The following XKR7 variants were observed in gnomAD, a reference collection of about 807,000 sequenced individuals.
XKR7 encodes XK related 7.
A neutral mutation model predicts 42.2 loss-of-function variants in XKR7; 11 were observed. The ratio of observed to expected loss-of-function variants is 0.26; its 90% CI spans 0.16 to 0.43. The LOEUF (loss-of-function observed/expected upper bound fraction) is 0.43. XKR7 is among the 20% of genes least tolerant of loss of function. The pLI is 1.00. For synonymous variants in XKR7, 346 were observed against 366.4 expected (o/e 0.94, Z 0.64); for missense variants, 710 against 802.2 (o/e 0.89, Z 1.39).
In XKR7 at chr20:31,998,380, G is replaced by A. The variant is rs2064607302; in HGVS notation, c.*923G>A. 6.6e-6 allele frequency: 1 copy of A among 152,202 alleles called. No homozygotes were observed. The highest frequency in any genetic ancestry group is 2.1e-4 in the South Asian group (1 of 4,832). 9.4% of individuals were successfully genotyped at this position (152,202 alleles called of 1,614,324 possible). ...AGGTGAGGTTTTAGCACAGTTATCAGAGGAACTGATCCAGAAGCAGGCTTA... is the reference window on the plus strand; with the variant it reads ...AGGTGAGGTTTTAGCACAGTTATCAAAGGAACTGATCCAGAAGCAGGCTTA... On this transcript the variant is annotated 3_prime_UTR_variant, in exon 3 of 3. Transcript: ENST00000562532.
At position 31,996,807 on chromosome 20, in the gene XKR7, G is replaced by T; in HGVS notation, c.1090G>T (p.Val364Leu). The T allele has an allele frequency of 6.2e-7, 1 of 1,613,904 alleles. No homozygotes were observed. The highest frequency in any genetic ancestry group is 8.5e-7 in the Non-Finnish European group (1 of 1,179,998). The change falls in exon 3 of 3, where the codon GTG becomes TTG. Residue 364 changes from valine (V) to leucine (L), a missense_variant. Coordinates refer to ENST00000562532, the MANE Select transcript of XKR7 (RefSeq NM_001011718.2). ...GGAGGAGATCATCTACAACATGGTC[G>T]TGGGCATCATCTACATCTTCTGCTG... is the stretch of plus-strand genomic sequence containing the variant. Reference protein sequence around the residue: ...KWEEIIYNMVVGIIYIFCWFN... With the variant: ...KWEEIIYNMVLGIIYIFCWFN...
In XKR7 at chr20:31,968,323, C is replaced by A; in HGVS notation, c.148C>A (p.Pro50Thr). ...GGTCGTCGGGGCGGGCGGCCCGGGG[C>A]CGCGCTACGAGCTGCGGGACTGCTG... ...PGVVGAGGPG[P>T]RYELRDCCWV... The change falls in exon 1 of 3, where the codon CCG becomes ACG. Residue 50 changes from proline to threonine, a missense_variant. This residue lies in a region of XKR7 where 708 missense variants were observed against 786.2 expected (regional missense o/e 0.90). Coordinates refer to ENST00000562532, the MANE Select transcript of XKR7 (RefSeq NM_001011718.2). The surrounding 1 kb of genome is among the most constrained non-coding windows in gnomAD (Gnocchi z 4.5). 2 of 1,478,320 alleles carry A rather than the reference C, an allele frequency of 1.4e-6. No homozygotes were observed. The highest frequency in any genetic ancestry group is 2.1e-5 in the Admixed American group (1 of 46,532). The allele number at this position is 1,478,320 out of a possible 1,614,324, so 91.6% of individuals were successfully genotyped here. A position where few individuals can be genotyped will look rare whatever the true frequency, so the allele number is the denominator to read the frequency against.
intron 1 of XKR7, among the ~76,000 whole-genome samples, chr20:31,977,645 C>T (rs1292298204): frequency 6.6e-6 from 1 of 152,138 alleles, no homozygotes; most frequent in Admixed American, 6.5e-5. Context: ...TGCTTAGTAA[C>T]AAGATGGGGT....
At chr20:31,969,450 T>A (rs559509765) in intron 1 of XKR7, among the ~76,000 whole-genome samples, 13 of 152,288 alleles carry the variant, frequency 8.5e-5, no homozygotes, top group African/African-American at 2.9e-4. Flanking sequence ...AATCCCGAAC[T>A]GGTAAGGCAA....
intron 1 of XKR7, among the ~76,000 whole-genome samples, chr20:31,983,544 A>G (rs2064523226): frequency 6.6e-6 from 1 of 152,184 alleles, no homozygotes; most frequent in South Asian, 2.1e-4. Flanking sequence ...GTGTTCAGGA[A>G]GCAGGAGCTG....
chr20:31,990,774 C>A (rs1245852145), intron 1 of XKR7, among the ~76,000 whole-genome samples: 1 of 144,772 alleles, frequency 6.9e-6, no homozygotes, highest in Admixed American at 6.8e-5. Flanking sequence ...TGTTTTGGAG[C>A]CAATTTTTTT....
chr20:31,990,970 C>T, intron 1 of XKR7, among the ~76,000 whole-genome samples: 1 of 152,152 alleles, frequency 6.6e-6, no homozygotes, highest in East Asian at 1.9e-4. Flanking sequence ...CCCCACTGAC[C>T]CCACATTCCT....
intron 1 of XKR7, among the ~76,000 whole-genome samples, chr20:31,983,517 G>A (rs1372960262): frequency 6.6e-6 from 1 of 152,180 alleles, no homozygotes; most frequent in East Asian, 1.9e-4. Context: ...AGGCCCTGGG[G>A]TTGGAGTGAG....
At chr20:31,974,233 G>C (rs950962667) in intron 1 of XKR7, among the ~76,000 whole-genome samples, 1 of 152,124 alleles carries the variant, frequency 6.6e-6, no homozygotes, top group Non-Finnish European at 1.5e-5. Flanking sequence ...AGACTGGAGG[G>C]AGGCAGAGTA....
Position 31,983,724 on chromosome 20 carries a change from ATCACCTGAGGTCAGGAG to A in XKR7, c.585-11342_585-11326del, listed in dbSNP as rs1568885015. ...CAGTTTGGGAGGCCGAGGCAGGCGG[ATCACCTGAGGTCAGGAG>A]TTCGAGACCATCCTGGCCAATAGGG... On this transcript the variant is annotated intron_variant, in intron 1 of 2. Transcript: ENST00000562532. Among the ~76,000 whole-genome samples, 22 of 152,276 alleles carry A rather than the reference ATCACCTGAGGTCAGGAG, an allele frequency of 1.4e-4. No individual in the cohort carries two copies. In the South Asian group the frequency reaches 4.6e-3, roughly 32 times the overall value.
rs2064482759 is a variant in XKR7, at chr20:31,975,948, A to T, written c.584+7189A>T. ...AGAGACTGCGAGGATGAAGAAGAGA[A>T]CTGTAGACCCAAAACCCTGGCTCTG... On this transcript the variant is annotated intron_variant, in intron 1 of 2. Transcript: ENST00000562532. Among the ~76,000 whole-genome samples the T allele has an allele frequency of 5.3e-5, 8 of 152,332 alleles. No individual in the cohort carries two copies. The South Asian group carries it at 1.7e-3, about 32-fold the overall frequency.
intron 1 of XKR7, among the ~76,000 whole-genome samples, chr20:31,969,516 A>T (rs948064577): frequency 1.1e-4 from 16 of 152,330 alleles, no homozygotes; most frequent in Middle Eastern, 3.4e-3. Flanking sequence ...GCCAGAACTG[A>T]GGGTGCCTGC....
At chr20:31,975,243 C>A (rs774511401) in intron 1 of XKR7, among the ~76,000 whole-genome samples, 1 of 152,102 alleles carries the variant, frequency 6.6e-6, no homozygotes, top group Non-Finnish European at 1.5e-5. Context: ...CCCCCAATCC[C>A]GCCTCCACCT....
chr20:31,986,807 G>A (rs1304346627), intron 1 of XKR7, among the ~76,000 whole-genome samples: 1 of 140,942 alleles, frequency 7.1e-6, no homozygotes, highest in Non-Finnish European at 1.6e-5. Context: ...CAGACAGAGA[G>A]ACAACCAAGC....
chr20:31,985,217 AC>A (rs2064532193), intron 1 of XKR7, among the ~76,000 whole-genome samples: 1 of 151,990 alleles, frequency 6.6e-6, no homozygotes, highest in Non-Finnish European at 1.5e-5. Context: ...GGATCTGCAG[AC>A]CCTGGCCCGC....
Position 31,996,829 on chromosome 20 carries a change from G to C in XKR7, c.1112G>C (p.Cys371Ser), listed in dbSNP as rs2064594583. ...GTCGTGGGCATCATCTACATCTTCT[G>C]CTGGTTCAACGTCAAGGAGGGCCGC... The part of the protein sequence containing the change: ...NMVVGIIYIF[C>S]WFNVKEGRSR... Residue 371 changes from cysteine (C) to serine (S), a missense_variant, in exon 3 of 3, where the codon TGC becomes TCC. By Grantham distance (112) the Cys-to-Ser change is moderately radical. Transcript: ENST00000562532. 1 of 1,613,866 alleles carries C rather than the reference G, an allele frequency of 6.2e-7. No homozygotes were observed. The highest frequency in any genetic ancestry group is 8.5e-7 in the Non-Finnish European group (1 of 1,179,988).
intron 1 of XKR7, among the ~76,000 whole-genome samples, chr20:31,985,860 C>A (rs2064536522): frequency 7.6e-6 from 1 of 131,342 alleles, no homozygotes; most frequent in Non-Finnish European, 1.6e-5. Context: ...CCAAGCGGAC[C>A]CAGCATCCAG....
At position 31,995,126 on chromosome 20, in the gene XKR7, C is replaced by A; in HGVS notation, c.643C>A (p.Arg215Ser). The change falls in exon 2 of 3, where the codon CGC becomes AGC. Residue 215 changes from arginine to serine, a missense_variant. Physicochemically the swap from Arg to Ser is moderately radical, Grantham distance 110 (BLOSUM62 -1). Transcript: ENST00000562532. The surrounding 1 kb of genome is among the most constrained non-coding windows in gnomAD (Gnocchi z 4.1). Reference protein sequence around the residue: ...QSRWRGERLRRHFYWQMLFES... With the variant: ...QSRWRGERLRSHFYWQMLFES... Reference sequence around the variant, plus strand: ...CCGCTGGCGCGGGGAGCGGCTGCGGCGCCACTTCTACTGGCAGATGCTGTT... The same window carrying A: ...CCGCTGGCGCGGGGAGCGGCTGCGGAGCCACTTCTACTGGCAGATGCTGTT... 6.4e-7 allele frequency: 1 copy of A among 1,557,844 alleles called. No homozygotes were observed. Among genetic ancestry groups the A allele is most frequent in the Non-Finnish European group, 8.7e-7 (1 of 1,151,748 alleles).
In XKR7 at chr20:31,996,595, C is replaced by G; in HGVS notation, c.878C>G (p.Pro293Arg). 8 of 1,552,922 alleles carry G rather than the reference C, an allele frequency of 5.2e-6. No individual in the cohort carries two copies. Among genetic ancestry groups the G allele is most frequent in the Non-Finnish European group, 6.1e-6 (7 of 1,151,430 alleles). ...VLRDSRDDKR[P>R]LSYKGAVAQV... ...CGGGACTCGCGGGACGACAAGCGGC[C>G]GCTGTCCTACAAGGGCGCCGTGGCA... Residue 293 changes from proline to arginine, a missense_variant, in exon 3 of 3, where the codon CCG (proline) becomes CGG (arginine). Coordinates refer to ENST00000562532, the MANE Select transcript of XKR7 (RefSeq NM_001011718.2).
Sources: allele counts gnomAD v4.1 joint callset (sites outside exome capture counted in the v4.1 genomes callset), GRCh38; gene constraint gnomAD v4.1.1; regional missense constraint gnomAD v4.1.1; non-coding constraint Gnocchi (gnomAD v3.1); transcripts MANE v1.5; gene names NCBI Gene and HGNC (gene_info 2026-07-23, HGNC 2026-07-21).